Variants in PDE1A observed in about 807,000 individuals in gnomAD.
The protein encoded by PDE1A is phosphodiesterase 1A.
In PDE1A, 35 loss-of-function variants were observed where a neutral mutation model predicts 61.7. That is an observed-to-expected ratio of 0.57 (90% CI 0.43 to 0.75). The LOEUF (loss-of-function observed/expected upper bound fraction) is 0.75, where lower values mean the gene tolerates loss of function less well. Among genes scored for constraint, PDE1A ranks in the 30% least tolerant of loss-of-function variants. The probability of loss-of-function intolerance (pLI) is 0.00; values close to 1 mark genes in which losing one functional copy is unlikely to be tolerated. For synonymous variants in PDE1A, 232 were observed against 213.2 expected (o/e 1.09, Z -0.77); for missense variants, 597 against 630.6 (o/e 0.95, Z 0.57).
intron 1 of PDE1A, among the ~76,000 whole-genome samples, chr2:182,335,998 C>T (rs189605439): frequency 1.3e-5 from 2 of 152,150 alleles, no homozygotes; most frequent in Non-Finnish European, 2.9e-5. Context: ...ATTTATCTGG[C>T]CAACAAACAT....
At chr2:182,529,230 C>A in the PDE1A span, among the ~76,000 whole-genome samples, 2 of 152,230 alleles carry the variant, frequency 1.3e-5, no homozygotes, top group Non-Finnish European at 1.5e-5. Flanking sequence ...TGCCAAAGAC[C>A]ATGGGAACCT....
chr2:182,689,697 A>C, the PDE1A span, among the ~76,000 whole-genome samples: 5 of 152,226 alleles, frequency 3.3e-5, no homozygotes, highest in Non-Finnish European at 7.3e-5. Flanking sequence ...ACTGAAGGAG[A>C]TAGAGACACA....
chr2:182,685,270 C>A, the PDE1A span, among the ~76,000 whole-genome samples: 3 of 152,008 alleles, frequency 2.0e-5, no homozygotes, highest in Non-Finnish European at 4.4e-5. Context: ...ATCCCCACTG[C>A]TTATTGTTAG....
chr2:182,597,265 G>A, the PDE1A span, among the ~76,000 whole-genome samples: 1 of 152,086 alleles, frequency 6.6e-6, no homozygotes, highest in Non-Finnish European at 1.5e-5. Context: ...CAAAATCTTA[G>A]AATTGCTGAG....
the PDE1A span, among the ~76,000 whole-genome samples, chr2:182,685,834 C>G: frequency 4.5e-4 from 68 of 152,296 alleles, no homozygotes; most frequent in African/African-American, 1.5e-3. Flanking sequence ...TTTCTTTCCA[C>G]TTCCCTAACA....
chr2:182,231,170 A>C, intron 4 of PDE1A, 39 bp from the exon 5 acceptor site: 2 of 992,032 alleles, frequency 2.0e-6, no homozygotes, highest in Non-Finnish European at 3.2e-6. Flanking sequence ...TGCCAATATC[A>C]TACTGTTTCT....
intron 1 of PDE1A, among the ~76,000 whole-genome samples, chr2:182,281,166 G>A (rs2125851055): frequency 6.6e-6 from 1 of 151,992 alleles, no homozygotes; most frequent in African/African-American, 2.4e-5. Flanking sequence ...TAAAATGCAT[G>A]AGTCATTTTC....
chr2:182,208,213 G>C (rs1383584698), intron 7 of PDE1A, among the ~76,000 whole-genome samples: 1 of 152,164 alleles, frequency 6.6e-6, no homozygotes, highest in Non-Finnish European at 1.5e-5. Flanking sequence ...GATAGTACCT[G>C]AGGCTGGGTA....
At chr2:182,210,961 C>A (rs1026600464) in intron 7 of PDE1A, among the ~76,000 whole-genome samples, 1 of 151,958 alleles carries the variant, frequency 6.6e-6, no homozygotes, top group East Asian at 1.9e-4. Context: ...GATCAACATA[C>A]CATCATCTCA....
At chr2:182,380,106 CT>C (rs1226939777) in intron 1 of PDE1A, among the ~76,000 whole-genome samples, 6,466 of 103,808 alleles carry the variant, frequency 0.062, 81 homozygotes, top group African/African-American at 0.12. Context: ...CCCAGCTCCT[CT>C]TTTTTTTTTT....
At chr2:182,207,872 T>C (rs1687247436) in intron 7 of PDE1A, among the ~76,000 whole-genome samples, 1 of 152,232 alleles carries the variant, frequency 6.6e-6, no homozygotes. Flanking sequence ...CAGTCGTGGC[T>C]GAAAGAGGAC....
chr2:182,559,251 G>A, the PDE1A span, among the ~76,000 whole-genome samples: 1 of 152,024 alleles, frequency 6.6e-6, no homozygotes, highest in African/African-American at 2.4e-5. Flanking sequence ...CTGCAGATCT[G>A]GAATCCAGAG....
chr2:182,371,225 A>G (rs1425948324), intron 1 of PDE1A, among the ~76,000 whole-genome samples: 4 of 152,204 alleles, frequency 2.6e-5, no homozygotes, highest in Non-Finnish European at 5.9e-5. Flanking sequence ...TTAAATATAG[A>G]CTTCTTCCAT....
At chr2:182,449,049 T>TACACACACACACACAC (rs200893342) in intron 2 of PDE1A, among the ~76,000 whole-genome samples, 1 of 90,574 alleles carries the variant, frequency 1.1e-5, no homozygotes. Flanking sequence ...ATCATACACA[T>TACACACACACACACAC]ACACACACAC....
At chr2:182,408,594 T>C (rs1702436452) in intron 1 of PDE1A, among the ~76,000 whole-genome samples, 1 of 152,188 alleles carries the variant, frequency 6.6e-6, no homozygotes. Context: ...GTGGACTAAA[T>C]GAAGACGTTA....
intron 2 of PDE1A, among the ~76,000 whole-genome samples, chr2:182,495,222 C>T (rs1355041597): frequency 6.6e-6 from 1 of 152,182 alleles, no homozygotes; most frequent in Non-Finnish European, 1.5e-5. Context: ...TGGCTTTAGC[C>T]TTTTCCTTGG....
chr2:182,318,763 G>C (rs573192606), intron 1 of PDE1A, among the ~76,000 whole-genome samples: 1 of 152,242 alleles, frequency 6.6e-6, no homozygotes, highest in South Asian at 2.1e-4. Context: ...AAATTTTGCA[G>C]AACACTAGTG....
the PDE1A span, among the ~76,000 whole-genome samples, chr2:182,669,683 C>T: frequency 1.3e-5 from 2 of 152,208 alleles, no homozygotes; most frequent in African/African-American, 2.4e-5. Context: ...ACATTCTATT[C>T]GCACAGCTCT....
At chr2:182,147,128 G>A (rs1690537800) in exon 14 of PDE1A, 2 of 1,602,864 alleles carry the variant, frequency 1.2e-6, no homozygotes, top group Middle Eastern at 1.7e-4. Flanking sequence ...TAAGTCTTCT[G>A]AGTTCTTATG....
Sources: gnomAD v4.1 joint callset for allele counts (sites outside exome capture counted in the v4.1 genomes callset) on GRCh38, gnomAD v4.1.1 for gene constraint, MANE v1.5 for transcripts, NCBI Gene and HGNC (gene_info 2026-07-23, HGNC 2026-07-21) for gene names.